The following STIMATE variants were observed in gnomAD, a reference collection of about 807,000 sequenced individuals.
The protein encoded by STIMATE is STIM activating enhancer.
A neutral mutation model predicts 36.7 loss-of-function variants in STIMATE; 15 were observed. The ratio of observed to expected loss-of-function variants is 0.41; its 90% CI spans 0.27 to 0.63. STIMATE has a LOEUF of 0.63. Among genes scored for constraint, STIMATE ranks in the 20% least tolerant of loss-of-function variants. The pLI is 0.32. For missense variants in STIMATE, 305 were observed against 397.3 expected, an observed-to-expected ratio of 0.77 and a Z score of 1.98; for synonymous variants, 163 against 162.3, an observed-to-expected ratio of 1.00 and a Z score of -0.03.
intron 1 of STIMATE, among the ~76,000 whole-genome samples, chr3:52,860,174 T>C (rs1476837758): frequency 6.6e-6 from 1 of 150,482 alleles, no homozygotes; most frequent in Non-Finnish European, 1.5e-5. Flanking sequence ...CATATGTTAT[T>C]GAGGGGCCTG....
chr3:52,896,465 C>CA (rs1054517255), intron 1 of STIMATE, among the ~76,000 whole-genome samples: 4 of 152,022 alleles, frequency 2.6e-5, no homozygotes, highest in African/African-American at 7.2e-5. Flanking sequence ...ACAGAAGCCC[C>CA]CCCCCACCCC....
intron 1 of STIMATE, among the ~76,000 whole-genome samples, chr3:52,873,827 G>C (rs888805135): frequency 2.6e-5 from 4 of 152,192 alleles, no homozygotes; most frequent in Admixed American, 6.5e-5. Flanking sequence ...AGTATCCTGG[G>C]CAGCTGGGGA....
chr3:52,847,701 T>A (rs1700931282), intron 4 of STIMATE: 1 of 503,230 alleles, frequency 2.0e-6, no homozygotes, highest in Non-Finnish European at 3.4e-6. Flanking sequence ...TACATCCAAA[T>A]CCCTGGAACC....
At chr3:52,881,225 A>G (rs1327277134) in intron 1 of STIMATE, among the ~76,000 whole-genome samples, 2 of 152,000 alleles carry the variant, frequency 1.3e-5, no homozygotes, top group Non-Finnish European at 2.9e-5. Flanking sequence ...AAAAAAATGT[A>G]AACGGTGACA....
chr3:52,849,115 C>T (rs946029882), intron 4 of STIMATE, among the ~76,000 whole-genome samples: 2 of 152,222 alleles, frequency 1.3e-5, no homozygotes, highest in African/African-American at 4.8e-5. Context: ...TCCATCCGCT[C>T]TCCCTCCCTC....
chr3:52,851,956 G>A (rs1701007930), intron 3 of STIMATE, among the ~76,000 whole-genome samples: 1 of 152,216 alleles, frequency 6.6e-6, no homozygotes, highest in Non-Finnish European at 1.5e-5. Flanking sequence ...AAATGGGGAT[G>A]ATCAAAGTCT....
At chr3:52,886,976 T>C (rs1701695444) in intron 1 of STIMATE, among the ~76,000 whole-genome samples, 1 of 152,086 alleles carries the variant, frequency 6.6e-6, no homozygotes, top group African/African-American at 2.4e-5. Flanking sequence ...TTCTCAAAAG[T>C]GTCAAGGCTA....
chr3:52,858,260 G>A (rs1321871577), intron 1 of STIMATE, among the ~76,000 whole-genome samples: 1 of 152,152 alleles, frequency 6.6e-6, no homozygotes, highest in African/African-American at 2.4e-5. Flanking sequence ...TATTATTTAG[G>A]CTTTTCTGTA....
Position 52,897,531 on chromosome 3 carries a change from A to T in STIMATE, c.-81T>A, listed in dbSNP as rs1425672423. The T allele has an allele frequency of 8.5e-7, 1 of 1,181,388 alleles. No homozygotes were observed. The allele number at this position is 1,181,388 out of a possible 1,614,324, so 73.2% of individuals were successfully genotyped here. On this transcript the variant is annotated 5_prime_UTR_variant, in exon 1 of 8. Coordinates refer to ENST00000355083, the MANE Select transcript of STIMATE (RefSeq NM_198563.5). ...GCCGGCGCAGCGCCGCCAAACCCGC[A>T]GCCGGGATCCCAAGCCTGAGCCGGT...
intron 2 of STIMATE, among the ~76,000 whole-genome samples, chr3:52,854,048 T>C (rs763295310): frequency 6.6e-6 from 1 of 152,224 alleles, no homozygotes; most frequent in Non-Finnish European, 1.5e-5. Flanking sequence ...GAAATAAATA[T>C]ATGCTTGATG....
intron 3 of STIMATE, among the ~76,000 whole-genome samples, chr3:52,851,422 C>T (rs1171960313): frequency 6.6e-6 from 1 of 152,234 alleles, no homozygotes; most frequent in Non-Finnish European, 1.5e-5. Flanking sequence ...TGTAGTCTCA[C>T]AGCCTCCTAT....
chr3:52,852,940 T>C (rs1210374469), intron 2 of STIMATE, among the ~76,000 whole-genome samples: 1 of 152,186 alleles, frequency 6.6e-6, no homozygotes, highest in African/African-American at 2.4e-5. Flanking sequence ...ACGTTTTAAA[T>C]TTTTTTCTTA....
intron 1 of STIMATE, among the ~76,000 whole-genome samples, chr3:52,885,111 C>A (rs905770184): frequency 3.9e-5 from 6 of 152,078 alleles, no homozygotes; most frequent in African/African-American, 1.4e-4. Context: ...CCATTCTTGT[C>A]TTGTGGGTAT....
At chr3:52,890,632 T>C (rs1701768001) in intron 1 of STIMATE, among the ~76,000 whole-genome samples, 1 of 152,202 alleles carries the variant, frequency 6.6e-6, no homozygotes, top group Non-Finnish European at 1.5e-5. Flanking sequence ...ATGGATAGCT[T>C]TCCTAGCAGT....
chr3:52,887,875 A>C (rs990069026), intron 1 of STIMATE, among the ~76,000 whole-genome samples: 4 of 152,070 alleles, frequency 2.6e-5, no homozygotes, highest in African/African-American at 9.7e-5. Flanking sequence ...TTACCTATTT[A>C]GAATATTAGT....
intron 1 of STIMATE, among the ~76,000 whole-genome samples, chr3:52,865,820 T>G (rs756526856): frequency 6.6e-5 from 10 of 152,240 alleles, no homozygotes; most frequent in Non-Finnish European, 1.0e-4. Flanking sequence ...GGCCAACTAC[T>G]GTCCCCAAGA....
At chr3:52,887,335 C>G (rs1701702886) in intron 1 of STIMATE, among the ~76,000 whole-genome samples, 1 of 152,222 alleles carries the variant, frequency 6.6e-6, no homozygotes, top group Admixed American at 6.5e-5. Context: ...TTCGCCATAG[C>G]ATCTTCAGGT....
At chr3:52,860,540 G>A (rs1288724793) in intron 1 of STIMATE, among the ~76,000 whole-genome samples, 1 of 151,490 alleles carries the variant, frequency 6.6e-6, no homozygotes, top group Admixed American at 6.6e-5. Flanking sequence ...GCCTGTGTGT[G>A]GTGGCCAGGC....
intron 4 of STIMATE, among the ~76,000 whole-genome samples, chr3:52,846,715 C>A (rs751935094): frequency 6.6e-6 from 1 of 152,194 alleles, no homozygotes; most frequent in Non-Finnish European, 1.5e-5. Flanking sequence ...GAAAAAGCAC[C>A]TGTGACCCCG....
Sources: gnomAD v4.1 joint callset for allele counts (sites outside exome capture counted in the v4.1 genomes callset) on GRCh38, gnomAD v4.1.1 for gene constraint, MANE v1.5 for transcripts, NCBI Gene and HGNC (gene_info 2026-07-23, HGNC 2026-07-21) for gene names.